ANKS6: variants seen among roughly 807,000 people sequenced by gnomAD.
ANKS6 encodes ankyrin repeat and sterile alpha motif domain containing 6, also known as ankyrin repeat and SAM domain-containing protein 6.
In ANKS6, 47 loss-of-function variants were observed where a neutral mutation model predicts 77.9. The ratio of observed to expected loss-of-function variants is 0.60; its 90% CI spans 0.48 to 0.77. ANKS6 has a LOEUF of 0.77. ANKS6 is among the 30% of genes least tolerant of loss of function. ANKS6 has a pLI of 0.00. For missense variants in ANKS6, 1,150 were observed against 1,159.1 expected (o/e 0.99, Z 0.11); for synonymous variants, 488 against 501.7 (o/e 0.97, Z 0.37).
In ANKS6 at chr9:98,736,099, TG is replaced by T; in HGVS notation, c.*419del. The T allele has an allele frequency of 2.6e-6, 3 of 1,155,844 alleles. No individual in the cohort carries two copies. The highest frequency in any genetic ancestry group is 3.2e-6 in the Non-Finnish European group (3 of 938,244). 71.6% of individuals were successfully genotyped at this position (1,155,844 alleles called of 1,614,324 possible). On this transcript the variant is annotated 3_prime_UTR_variant, in exon 15 of 15. Transcript: ENST00000353234. ...CCAGGTGGGGCCACATGACTACCAG[TG>T]GCCAAGAGGACGTGAGCAGGAGTGA...
chr9:98,734,777 T>C lies in ANKS6; in HGVS notation c.*1742A>G, dbSNP rs992511195. 11 of 984,420 alleles carry C rather than the reference T, an allele frequency of 1.1e-5. No homozygotes were observed. Among genetic ancestry groups the C allele is most frequent in the Middle Eastern group, 5.2e-4 (1 of 1,936 alleles). The allele number at this position is 984,420 out of a possible 1,614,324, so 61.0% of individuals were successfully genotyped here. ...CAAAGGTAAAGCTGCCAGCACATAG[T>C]AGGGGATGAATGAGTGTGTCTCCTT... On this transcript the variant is annotated 3_prime_UTR_variant, in exon 15 of 15. Coordinates refer to ENST00000353234, the MANE Select transcript of ANKS6 (RefSeq NM_173551.5).
At chr9:98,764,343 A>G (rs2117984760) in intron 11 of ANKS6, among the ~76,000 whole-genome samples, 1 of 152,290 alleles carries the variant, frequency 6.6e-6, no homozygotes, top group East Asian at 1.9e-4. Context: ...TATTTACCCT[A>G]TTGAGCATTC....
intron 14 of ANKS6, among the ~76,000 whole-genome samples, chr9:98,739,887 C>T (rs934454369): frequency 3.3e-5 from 5 of 150,642 alleles, no homozygotes; most frequent in Non-Finnish European, 7.4e-5. Flanking sequence ...TCCCGAGTAG[C>T]TGGGACTACA....
rs775749465 is a variant in ANKS6 at position 98,796,429 on chromosome 9, G to A, written c.63C>T (p.Asp21=). Residue 21 remains aspartate (D), a synonymous_variant, in exon 1 of 15, where the codon GAC becomes GAT. Coordinates refer to ENST00000353234, the MANE Select transcript of ANKS6 (RefSeq NM_173551.5). ...QLLLRACDQG[D]TETARRLLEP... ...CCAGCAGCCGCCGCGCCGTCTCCGT[G>A]TCGCCCTGGTCACACGCGCGCAGCA... is the stretch of plus-strand genomic sequence containing the variant. The A allele has an allele frequency of 2.0e-6, 2 of 995,206 alleles. No homozygotes were observed. The highest frequency in any genetic ancestry group is 2.4e-6 in the Non-Finnish European group (2 of 838,426). The allele number at this position is 995,206 out of a possible 1,614,324, so 61.6% of individuals were successfully genotyped here.
intron 8 of ANKS6, among the ~76,000 whole-genome samples, chr9:98,777,110 G>C (rs2118075837): frequency 6.6e-6 from 1 of 152,302 alleles, no homozygotes; most frequent in South Asian, 2.1e-4. Context: ...CAAATGGTGA[G>C]TCTTCATTTC....
At chr9:98,780,088 T>A (rs1310209147) in intron 6 of ANKS6, 101 bp downstream of exon 6, 13 of 1,505,272 alleles carry the variant, frequency 8.6e-6, no homozygotes, top group Non-Finnish European at 1.1e-5. Flanking sequence ...CTGCAGGGAC[T>A]CCCTAGCATA....
intron 14 of ANKS6, among the ~76,000 whole-genome samples, chr9:98,745,228 CCA>C (rs1301028028): frequency 6.6e-6 from 1 of 152,126 alleles, no homozygotes; most frequent in Non-Finnish European, 1.5e-5. Flanking sequence ...TTGCCTCACC[CCA>C]CACAGTGAAT....
chr9:98,756,324 G>T, intron 12 of ANKS6, 96 bp downstream of exon 12: 1 of 1,343,568 alleles, frequency 7.4e-7, no homozygotes, highest in Non-Finnish European at 1.0e-6. Flanking sequence ...CCTGACCTAG[G>T]ATGGTTATAG....
intron 7 of ANKS6, among the ~76,000 whole-genome samples, chr9:98,777,819 C>T (rs1833999123): frequency 6.6e-6 from 1 of 152,158 alleles, no homozygotes; most frequent in Admixed American, 6.5e-5. Context: ...ACAAAGTTAT[C>T]CAAGCTGTTG....
At chr9:98,739,758 A>ATTTTTTTTTTTTTTTTTTTTTTTT (rs749499336) in intron 14 of ANKS6, among the ~76,000 whole-genome samples, 3 of 88,858 alleles carry the variant, frequency 3.4e-5, no homozygotes, top group African/African-American at 1.0e-4. Flanking sequence ...TGGATTAAAC[A>ATTTTTTTTTTTTTTTTTTTTTTTT]TTTTTTTTTT....
chr9:98,770,754 A>T (rs1424492462), intron 10 of ANKS6, 142 bp downstream of exon 10: 4 of 906,460 alleles, frequency 4.4e-6, no homozygotes, highest in Non-Finnish European at 5.8e-6. Context: ...TTCACTGAAA[A>T]ATCTCTTAGC....
intron 2 of ANKS6, among the ~76,000 whole-genome samples, chr9:98,785,795 G>A (rs1834533042): frequency 6.6e-6 from 1 of 152,150 alleles, no homozygotes; most frequent in Non-Finnish European, 1.5e-5. Flanking sequence ...TGCAGCCCAG[G>A]ACAAGGAGCA....
At chr9:98,753,403 T>C (rs1313327796) in intron 12 of ANKS6, among the ~76,000 whole-genome samples, 4 of 152,270 alleles carry the variant, frequency 2.6e-5, no homozygotes, top group Non-Finnish European at 4.4e-5. Context: ...CTCAATTTTT[T>C]GTGCTACTCA....
chr9:98,756,951 T>C (rs571525036), intron 11 of ANKS6, among the ~76,000 whole-genome samples: 22 of 152,040 alleles, frequency 1.4e-4, no homozygotes, highest in African/African-American at 5.3e-4. Context: ...GGGCCTCAGT[T>C]AACCAGCTGT....
At position 98,734,074 on chromosome 9, in the gene ANKS6, C is replaced by T; in HGVS notation, c.*2445G>A. ...TAACCTACATGTTCCGTGCTGCCTCCACACATGCCCCCGCTGGGGTGCCCT... is the reference window on the plus strand; with the variant it reads ...TAACCTACATGTTCCGTGCTGCCTCTACACATGCCCCCGCTGGGGTGCCCT... On this transcript the variant is annotated 3_prime_UTR_variant, in exon 15 of 15. Coordinates refer to ENST00000353234, the MANE Select transcript of ANKS6 (RefSeq NM_173551.5). The T allele has an allele frequency of 2.0e-6, 2 of 985,440 alleles. No individual in the cohort carries two copies. The highest frequency in any genetic ancestry group is 2.4e-6 in the Non-Finnish European group (2 of 829,966). 61.0% of individuals were successfully genotyped at this position (985,440 alleles called of 1,614,324 possible).
intron 11 of ANKS6, among the ~76,000 whole-genome samples, chr9:98,764,537 G>A (rs1388549383): frequency 1.3e-5 from 2 of 152,036 alleles, no homozygotes; most frequent in African/African-American, 2.4e-5. Flanking sequence ...CATGACTACT[G>A]AGTACTGATG....
At chr9:98,748,702 G>C (rs916697718) in intron 13 of ANKS6, among the ~76,000 whole-genome samples, 7 of 152,148 alleles carry the variant, frequency 4.6e-5, no homozygotes, top group African/African-American at 1.7e-4. Flanking sequence ...GAGCTAGAAG[G>C]AGCCTAGATG....
At position 98,759,774 on chromosome 9, in the gene ANKS6, T is replaced by C. The variant is rs75175969; in HGVS notation, c.2143-3171A>G. On this transcript the variant is annotated intron_variant, in intron 11 of 14. Coordinates refer to ENST00000353234, the MANE Select transcript of ANKS6 (RefSeq NM_173551.5). ...GAAACACTGCATACTCTAACTCATA[T>C]GTGGAAGCTTAAAAAGATGATCAAT... Among the ~76,000 whole-genome samples the C allele has an allele frequency of 3.8e-3, 572 of 152,264 alleles. 4 individuals carry two copies. Among genetic ancestry groups the C allele is most frequent in the African/African-American group, 0.013 (536 of 41,544 alleles).
chr9:98,784,797 C>T (rs549414882), intron 3 of ANKS6, 35 bp downstream of exon 3: 205 of 1,594,116 alleles, frequency 1.3e-4, no homozygotes, highest in Non-Finnish European at 1.7e-4. Flanking sequence ...GCCCTATATT[C>T]TTAAATATCC....
Sources: gnomAD v4.1 joint callset for allele counts (sites outside exome capture counted in the v4.1 genomes callset) on GRCh38, gnomAD v4.1.1 for gene constraint, MANE v1.5 for transcripts, NCBI Gene and HGNC (gene_info 2026-07-23, HGNC 2026-07-21) for gene names.